Variants in MICAL3 observed in about 807,000 individuals in gnomAD.
The protein encoded by MICAL3 is microtubule associated monooxygenase, calponin and LIM domain containing 3.
In MICAL3, 62 loss-of-function variants were observed where a neutral mutation model predicts 207.4. The observed-to-expected ratio is 0.30, with a 90% CI of 0.24 to 0.37. The LOEUF (loss-of-function observed/expected upper bound fraction) is 0.37. Ranked by LOEUF, MICAL3 falls within the 10% of genes least tolerant of loss-of-function variation. MICAL3 has a pLI of 1.00. For synonymous variants in MICAL3, 1,077 were observed against 1,069.3 expected (o/e 1.01, Z -0.14); for missense variants, 2,368 against 2,635.6 (o/e 0.90, Z 2.22).
chr22:17,998,648 C>T (rs1922590967), intron 1 of MICAL3, among the ~76,000 whole-genome samples: 1 of 151,700 alleles, frequency 6.6e-6, no homozygotes, highest in Non-Finnish European at 1.5e-5. Context: ...CTCCACCTCC[C>T]AATTCCCGGT....
chr22:17,893,723 G>A (rs913010630), intron 11 of MICAL3, 85 bp downstream of exon 11: 14 of 1,024,158 alleles, frequency 1.4e-5, no homozygotes, highest in African/African-American at 1.3e-4. Context: ...CCACTGCCTC[G>A]GACCGCACCT....
At chr22:17,995,808 CT>C (rs1233269610) in intron 1 of MICAL3, among the ~76,000 whole-genome samples, 9 of 152,094 alleles carry the variant, frequency 5.9e-5, no homozygotes, top group Admixed American at 2.6e-4. Flanking sequence ...CACACCTGGC[CT>C]CTTTTCTTTT....
At chr22:17,986,418 G>C (rs1242285099) in intron 1 of MICAL3, among the ~76,000 whole-genome samples, 1 of 152,150 alleles carries the variant, frequency 6.6e-6, no homozygotes, top group African/African-American at 2.4e-5. Context: ...TACTTGGGAG[G>C]CTAAGGCAGA....
chr22:17,969,972 A>G (rs1935326042), intron 1 of MICAL3, among the ~76,000 whole-genome samples: 1 of 152,170 alleles, frequency 6.6e-6, no homozygotes, highest in Non-Finnish European at 1.5e-5. Flanking sequence ...GGAGAAGGGC[A>G]CTCTGAGGCC....
chr22:17,959,085 G>A (rs1306051854), intron 1 of MICAL3, among the ~76,000 whole-genome samples: 8 of 129,228 alleles, frequency 6.2e-5, no homozygotes, highest in Non-Finnish European at 1.3e-4. Context: ...GCGCAATCTC[G>A]GCTCACTACA....
chr22:17,968,387 A>G (rs1407913429), intron 1 of MICAL3, among the ~76,000 whole-genome samples: 4 of 152,060 alleles, frequency 2.6e-5, no homozygotes, highest in Non-Finnish European at 2.9e-5. Context: ...TCCACGGGGG[A>G]GCAGCACAGG....
chr22:17,899,770 C>T (rs1209511702), intron 6 of MICAL3, among the ~76,000 whole-genome samples: 1 of 152,042 alleles, frequency 6.6e-6, no homozygotes, highest in Admixed American at 6.6e-5. Context: ...ATCCTAAAAA[C>T]TATGACTGAC....
At chr22:17,821,075 A>T (rs965731922) in intron 25 of MICAL3, among the ~76,000 whole-genome samples, 4 of 151,596 alleles carry the variant, frequency 2.6e-5, no homozygotes, top group Middle Eastern at 7.0e-3. Flanking sequence ...ATTTTTAATA[A>T]ATTTGTTTAA....
At chr22:17,838,946 C>T (rs1249895196) in intron 20 of MICAL3, among the ~76,000 whole-genome samples, 3 of 150,714 alleles carry the variant, frequency 2.0e-5, no homozygotes, top group African/African-American at 7.4e-5. Flanking sequence ...TAGCTCCTTC[C>T]CCTAGATGCT....
intron 2 of MICAL3, 48 bp downstream of exon 2, chr22:17,906,501 G>A: frequency 5.0e-6 from 8 of 1,612,096 alleles, no homozygotes; most frequent in Non-Finnish European, 6.8e-6. Context: ...TGTTGAGGGA[G>A]AAGGCATCTC....
intron 1 of MICAL3, chr22:18,001,412 GT>G (rs1922999759): frequency 1.3e-5 from 2 of 152,288 alleles, no homozygotes; most frequent in Admixed American, 1.3e-4. Context: ...ATACTGCGGT[GT>G]CCCTCGGCGC....
intron 19 of MICAL3, chr22:17,862,854 T>A: frequency 2.0e-6 from 2 of 985,492 alleles, no homozygotes; most frequent in Non-Finnish European, 2.4e-6. Flanking sequence ...CCACCCAAGC[T>A]GGGGGACAGT....
rs371321510 is a variant in MICAL3, at chr22:17,788,211, G to C, written c.*2521C>G. The C allele has an allele frequency of 2.0e-5, 3 of 152,266 alleles. No homozygotes were observed. The highest frequency in any genetic ancestry group is 7.2e-5 in the African/African-American group (3 of 41,462). The allele number at this position is 152,266 out of a possible 1,614,324, so 9.4% of individuals were successfully genotyped here. ...TAAAAAAAGTGCTCTACTAGAACTGGGTGTCCTCACAGTCGGGAGCAGAAG... is the reference window on the plus strand; with the variant it reads ...TAAAAAAAGTGCTCTACTAGAACTGCGTGTCCTCACAGTCGGGAGCAGAAG... On this transcript the variant is annotated 3_prime_UTR_variant, in exon 32 of 32. Transcript: ENST00000441493.
In MICAL3 at chr22:17,877,579, A is replaced by AGGTG. The variant is rs1569110902; in HGVS notation, c.2242-5557_2242-5556insCACC. On this transcript the variant is annotated intron_variant, in intron 16 of 31. Transcript: ENST00000441493. Reference sequence around the variant, plus strand: ...GTTATGGAGGTTAGGGAGGTTAGGGAAGTTATGGAGGTTAGGGAGGTTATG... The same window carrying AGGTG: ...GTTATGGAGGTTAGGGAGGTTAGGGAGGTGAGTTATGGAGGTTAGGGAGGTTATG... 4.9e-4 allele frequency among the ~76,000 whole-genome samples: 71 copies of AGGTG among 144,800 alleles called. 4 individuals are homozygous for AGGTG. The highest frequency in any genetic ancestry group is 1.8e-3 in the East Asian group (9 of 4,938). The allele number at this position is 144,800 out of a possible 152,430, so 95.0% of individuals were successfully genotyped here.
At chr22:17,970,821 C>T (rs1393476704) in intron 1 of MICAL3, among the ~76,000 whole-genome samples, 2 of 151,954 alleles carry the variant, frequency 1.3e-5, no homozygotes, top group Non-Finnish European at 2.9e-5. Flanking sequence ...TTATCTTGTC[C>T]TTGATTTCAG....
intron 1 of MICAL3, among the ~76,000 whole-genome samples, chr22:17,989,876 T>C (rs983264539): frequency 3.9e-5 from 6 of 152,298 alleles, no homozygotes; most frequent in African/African-American, 1.4e-4. Context: ...AGCATGCTTG[T>C]TTTCCCGAAT....
chr22:17,826,953 C>T (rs1042032622), intron 22 of MICAL3, among the ~76,000 whole-genome samples: 1 of 152,208 alleles, frequency 6.6e-6, no homozygotes, highest in Non-Finnish European at 1.5e-5. Context: ...TGGCCCGTGA[C>T]CGGCGCTGAA....
chr22:17,816,817 G>T, intron 26 of MICAL3, 33 bp from the exon 27 acceptor site: 1 of 1,485,518 alleles, frequency 6.7e-7, no homozygotes, highest in Non-Finnish European at 9.2e-7. Flanking sequence ...TGAGGACAGC[G>T]CCAGACAGCA....
chr22:17,878,816 G>A (rs549387134), intron 16 of MICAL3, among the ~76,000 whole-genome samples: 3 of 152,182 alleles, frequency 2.0e-5, no homozygotes, highest in East Asian at 1.9e-4. Flanking sequence ...AGCTTTCCAC[G>A]GGTACAGCCC....
Sources: allele counts gnomAD v4.1 joint callset (sites outside exome capture counted in the v4.1 genomes callset), GRCh38; gene constraint gnomAD v4.1.1; transcripts MANE v1.5; gene names NCBI Gene and HGNC (gene_info 2026-07-23, HGNC 2026-07-21).